Variants in GPHN observed in about 807,000 individuals in gnomAD.
GPHN encodes the protein gephyrin.
In GPHN, 17 loss-of-function variants were observed where a neutral mutation model predicts 95.5. The ratio of observed to expected loss-of-function variants is 0.18; its 90% CI spans 0.12 to 0.27. GPHN has a LOEUF of 0.27. Ranked by LOEUF, GPHN falls within the 10% of genes least tolerant of loss-of-function variation. The probability of loss-of-function intolerance (pLI) is 1.00; values close to 1 mark genes in which losing one functional copy is unlikely to be tolerated. For missense variants in GPHN, 660 were observed against 978.1 expected, an observed-to-expected ratio of 0.67 and a Z score of 4.34; for synonymous variants, 320 against 322.5, an observed-to-expected ratio of 0.99 and a Z score of 0.08.
chr14:67,479,997 G>A, the GPHN span, among the ~76,000 whole-genome samples: 4 of 152,172 alleles, frequency 2.6e-5, no homozygotes, highest in Admixed American at 2.6e-4. Context: ...CCTAATGGAC[G>A]CTGCCCAACC....
the GPHN span, among the ~76,000 whole-genome samples, chr14:67,681,175 A>C: frequency 6.6e-6 from 1 of 152,246 alleles, no homozygotes. Context: ...GAGTGTGTGT[A>C]CATAGAGGAA....
At chr14:67,524,292 G>A in the GPHN span, among the ~76,000 whole-genome samples, 2 of 152,104 alleles carry the variant, frequency 1.3e-5, no homozygotes, top group Non-Finnish European at 2.9e-5. Flanking sequence ...GTTCTAGGAA[G>A]ACACTGGGCC....
chr14:67,477,156 A>C, the GPHN span, among the ~76,000 whole-genome samples: 1 of 129,824 alleles, frequency 7.7e-6, no homozygotes, highest in Non-Finnish European at 1.6e-5. Context: ...ACAAGAGCGA[A>C]ACTCCATCTC....
At chr14:66,776,883 CT>C (rs61659560) in intron 3 of GPHN, among the ~76,000 whole-genome samples, 151,236 of 152,016 alleles carry the variant, frequency 0.99, 75,270 homozygotes, top group Middle Eastern at 1. Flanking sequence ...AAATATCAGT[CT>C]TTTTTTTAAA....
chr14:67,540,429 C>T, the GPHN span, among the ~76,000 whole-genome samples: 1 of 151,954 alleles, frequency 6.6e-6, no homozygotes, highest in African/African-American at 2.4e-5. Context: ...AGTTCAAGAC[C>T]AGCCTGGCCA....
At chr14:67,279,562 G>T in the GPHN span, 1 of 1,503,054 alleles carries the variant, frequency 6.7e-7, no homozygotes, top group South Asian at 1.4e-5. Flanking sequence ...AGGTATAACA[G>T]AAAACATTTT....
intron 18 of GPHN, among the ~76,000 whole-genome samples, chr14:67,157,171 TGATAACAGA>T (rs766903123): frequency 1.3e-5 from 2 of 152,090 alleles, no homozygotes; most frequent in African/African-American, 2.4e-5. Context: ...GTAGCTATAT[TGATAACAGA>T]GAAAATTCTT....
chr14:67,405,437 A>G, the GPHN span, among the ~76,000 whole-genome samples: 3 of 152,096 alleles, frequency 2.0e-5, no homozygotes, highest in Non-Finnish European at 2.9e-5. Context: ...ACCAAGGCAA[A>G]GATGAACAAG....
chr14:66,691,228 A>G (rs2067757663), intron 2 of GPHN, among the ~76,000 whole-genome samples: 3 of 151,836 alleles, frequency 2.0e-5, no homozygotes. Flanking sequence ...CTCTGTCACC[A>G]GGCTGAAGTG....
the GPHN span, among the ~76,000 whole-genome samples, chr14:67,672,443 TTTTC>T: frequency 7.1e-4 from 70 of 98,432 alleles, no homozygotes; most frequent in Admixed American, 3.9e-3. Flanking sequence ...TTTTCTTTTC[TTTTC>T]TTTTTTTTTT....
At position 66,994,401 on chromosome 14, in the gene GPHN, C is replaced by T. The variant is rs78409230; in HGVS notation, c.963+29076C>T. ...AAAGAAAAAGAAAAATCTATCTTAT[C>T]CTGTGCTTTAAACAAAAAAAAAATC... is the stretch of plus-strand genomic sequence containing the variant. On this transcript the variant is annotated intron_variant, in intron 9 of 22. Transcript: ENST00000478722. Among the ~76,000 whole-genome samples, 365 of 151,898 alleles carry T rather than the reference C, an allele frequency of 2.4e-3. 4 individuals are homozygous for T. Among genetic ancestry groups the T allele is most frequent in the African/African-American group, 8.3e-3 (344 of 41,468 alleles).
At chr14:67,466,700 A>T in the GPHN span, among the ~76,000 whole-genome samples, 1 of 152,180 alleles carries the variant, frequency 6.6e-6, no homozygotes, top group African/African-American at 2.4e-5. Context: ...GGACAATAAG[A>T]TTCCAGCCTG....
intron 9 of GPHN, among the ~76,000 whole-genome samples, chr14:66,977,805 G>A (rs1045467930): frequency 6.6e-6 from 1 of 152,056 alleles, no homozygotes; most frequent in African/African-American, 2.4e-5. Flanking sequence ...GTTTTTGTTT[G>A]TGTATTTTTT....
the GPHN span, among the ~76,000 whole-genome samples, chr14:67,404,960 G>A: frequency 3.9e-5 from 6 of 152,088 alleles, no homozygotes; most frequent in South Asian, 2.1e-4. Context: ...GTGGCCAGGT[G>A]CGGTGGCTCA....
At chr14:66,904,030 C>T (rs192899540) in intron 5 of GPHN, among the ~76,000 whole-genome samples, 1 of 152,072 alleles carries the variant, frequency 6.6e-6, no homozygotes, top group Non-Finnish European at 1.5e-5. Context: ...TGTTGTAGCT[C>T]CTATTGTTTG....
At chr14:67,590,909 G>A in the GPHN span, among the ~76,000 whole-genome samples, 1 of 152,104 alleles carries the variant, frequency 6.6e-6, no homozygotes, top group African/African-American at 2.4e-5. Flanking sequence ...AATGTCACAA[G>A]TTGTAAAACA....
At chr14:66,768,870 A>G (rs2059058547) in intron 2 of GPHN, among the ~76,000 whole-genome samples, 1 of 152,040 alleles carries the variant, frequency 6.6e-6, no homozygotes. Context: ...TGTTTGAAAC[A>G]ACTCAAGATA....
chr14:66,932,026 ATGT>A (rs1459454033), intron 8 of GPHN, among the ~76,000 whole-genome samples: 1 of 152,190 alleles, frequency 6.6e-6, no homozygotes, highest in Admixed American at 6.5e-5. Flanking sequence ...AGGGAATTAA[ATGT>A]TGTGATCTAA....
At chr14:67,180,372 T>C (rs988699838) in intron 22 of GPHN, among the ~76,000 whole-genome samples, 3 of 152,164 alleles carry the variant, frequency 2.0e-5, no homozygotes, top group African/African-American at 7.2e-5. Context: ...TACCTAAAAA[T>C]TTTTTGAGTC....
Sources: allele counts gnomAD v4.1 joint callset (sites outside exome capture counted in the v4.1 genomes callset), GRCh38; gene constraint gnomAD v4.1.1; transcripts MANE v1.5; gene names NCBI Gene and HGNC (gene_info 2026-07-23, HGNC 2026-07-21).